CREB5: variants seen among roughly 807,000 people sequenced by gnomAD.
CREB5 encodes cyclic AMP-responsive element-binding protein 5.
In CREB5, 19 loss-of-function variants were observed where a neutral mutation model predicts 57.1. That is an observed-to-expected ratio of 0.33 (90% CI 0.23 to 0.49). CREB5 has a LOEUF of 0.49. Ranked by LOEUF, CREB5 falls within the 20% of genes least tolerant of loss-of-function variation. The pLI is 0.99. For missense variants in CREB5, 579 were observed against 671.6 expected (o/e 0.86, Z 1.52); for synonymous variants, 238 against 238.3 (o/e 1.00, Z 0.01).
Position 28,360,186 on chromosome 7 carries a change from G to A in CREB5, c.-25+60745G>A, listed in dbSNP as rs555713247. Among the ~76,000 whole-genome samples, 3 of 152,272 alleles carry A rather than the reference G, an allele frequency of 2.0e-5. No individual in the cohort carries two copies. The East Asian group carries it at 5.8e-4, about 29-fold the overall frequency. ...GAGATTCCTCAAAAAGCTAAGAATA[G>A]AATTACCACATGGTCCACAATCTAC... On this transcript the variant is annotated intron_variant, in intron 1 of 9. Coordinates refer to the CREB5 transcript ENST00000396299.
intron 4 of CREB5, among the ~76,000 whole-genome samples, chr7:28,546,559 C>T (rs1794432096): frequency 1.3e-5 from 2 of 152,200 alleles, no homozygotes; most frequent in African/African-American, 4.8e-5. Flanking sequence ...GGACAGACTG[C>T]ATCACTGGCC....
intron 1 of CREB5, among the ~76,000 whole-genome samples, chr7:28,437,138 C>A (rs1788995800): frequency 6.6e-6 from 1 of 152,104 alleles, no homozygotes; most frequent in Non-Finnish European, 1.5e-5. Flanking sequence ...CTGTTAAGGG[C>A]CATGGCTAAG....
intron 7 of CREB5, among the ~76,000 whole-genome samples, chr7:28,740,859 C>G (rs1466366396): frequency 6.6e-6 from 1 of 151,972 alleles, no homozygotes; most frequent in Non-Finnish European, 1.5e-5. Context: ...TGATATGTGA[C>G]TTTAAAATTT....
At chr7:28,519,497 G>C (rs547299367) in intron 4 of CREB5, among the ~76,000 whole-genome samples, 2 of 151,420 alleles carry the variant, frequency 1.3e-5, no homozygotes, top group East Asian at 2.0e-4. Context: ...TTACCCATAA[G>C]CTGGAGGTGA....
rs117330770 is a variant in CREB5 at position 28,749,207 on chromosome 7, C to T, written c.702+24875C>T. ...TTTCCAAACAACATTCTGGGCGAGA[C>T]AAGTCAGCTCCTTCCCATTTACTTA... On this transcript the variant is annotated intron_variant, in intron 7 of 10. Coordinates refer to ENST00000357727, the MANE Select transcript of CREB5 (RefSeq NM_182898.4). 6.6e-5 allele frequency: 10 copies of T among 152,332 alleles called. No homozygotes were observed. The East Asian group carries it at 1.9e-3, about 29-fold the overall frequency. 9.4% of individuals were successfully genotyped at this position (152,332 alleles called of 1,614,324 possible). A position where few individuals can be genotyped will look rare whatever the true frequency, so the allele number is the denominator to read the frequency against.
intron 4 of CREB5, among the ~76,000 whole-genome samples, chr7:28,526,714 G>C (rs910684034): frequency 6.6e-6 from 1 of 152,204 alleles, no homozygotes; most frequent in African/African-American, 2.4e-5. Flanking sequence ...GACTGGCCAC[G>C]CTGAGAAGCC....
At chr7:28,366,295 G>C (rs373298109) in intron 1 of CREB5, among the ~76,000 whole-genome samples, 4 of 152,054 alleles carry the variant, frequency 2.6e-5, no homozygotes, top group African/African-American at 7.2e-5. Context: ...TTATACACTT[G>C]ATCAAAATAA....
chr7:28,710,443 C>T (rs1278944730), intron 5 of CREB5, among the ~76,000 whole-genome samples: 1 of 152,142 alleles, frequency 6.6e-6, no homozygotes, highest in Non-Finnish European at 1.5e-5. Context: ...ATATCAGACT[C>T]ATGAAGTTTA....
intron 5 of CREB5, among the ~76,000 whole-genome samples, chr7:28,714,314 TC>T (rs1358233286): frequency 6.6e-6 from 1 of 152,168 alleles, no homozygotes; most frequent in Non-Finnish European, 1.5e-5. Context: ...ATCAATATCT[TC>T]CCATCTTCTA....
At chr7:28,382,515 T>C (rs887623) in intron 1 of CREB5, among the ~76,000 whole-genome samples, 27,555 of 152,046 alleles carry the variant, frequency 0.18, 2,728 homozygotes, top group South Asian at 0.24. Flanking sequence ...CCATCCTGCA[T>C]TTTTTTCCGT....
chr7:28,324,067 A>T lies in CREB5; in HGVS notation c.-25+24626A>T, dbSNP rs1011621835. 3.3e-5 allele frequency among the ~76,000 whole-genome samples: 5 copies of T among 152,218 alleles called. No homozygotes were observed. In the East Asian group the frequency reaches 9.7e-4, roughly 30 times the overall value. ...TGATGGAGAGCGGCTGTAAACACAG[A>T]GAAGCTTTGGTCACTCGCCCACCGC... On this transcript the variant is annotated intron_variant, in intron 1 of 9. Coordinates refer to the CREB5 transcript ENST00000396299.
chr7:28,462,886 A>T (rs1045090960), intron 1 of CREB5, among the ~76,000 whole-genome samples: 1 of 152,016 alleles, frequency 6.6e-6, no homozygotes, highest in Non-Finnish European at 1.5e-5. Flanking sequence ...CACTTTCTTC[A>T]TGGTGTCCTT....
At chr7:28,438,116 CA>C (rs1484163444) in intron 1 of CREB5, among the ~76,000 whole-genome samples, 1 of 152,092 alleles carries the variant, frequency 6.6e-6, no homozygotes, top group Non-Finnish European at 1.5e-5. Flanking sequence ...GAATCCTGCC[CA>C]AAGACCTTAC....
At chr7:28,595,888 A>G (rs1322634936) in intron 5 of CREB5, among the ~76,000 whole-genome samples, 2 of 152,224 alleles carry the variant, frequency 1.3e-5, no homozygotes, top group African/African-American at 4.8e-5. Context: ...GTTCTCTGGT[A>G]TCTTAACCTC....
intron 5 of CREB5, among the ~76,000 whole-genome samples, chr7:28,694,826 C>T (rs1173349640): frequency 6.6e-6 from 1 of 152,168 alleles, no homozygotes; most frequent in African/African-American, 2.4e-5. Flanking sequence ...GGGTTATAGG[C>T]GTGAGCTACT....
At chr7:28,322,603 C>G (rs112275071) in intron 1 of CREB5, among the ~76,000 whole-genome samples, 1 of 151,534 alleles carries the variant, frequency 6.6e-6, no homozygotes, top group South Asian at 2.1e-4. Context: ...CCCAGCCCCC[C>G]ACTCCCCGAC....
At chr7:28,818,262 A>G in intron 10 of CREB5, 83 bp downstream of exon 10, 1 of 928,026 alleles carries the variant, frequency 1.1e-6, no homozygotes, top group Non-Finnish European at 1.7e-6. Context: ...TGAAAGAGCA[A>G]AAGTAAAGTG....
chr7:28,589,436 C>T (rs925274307), intron 5 of CREB5, among the ~76,000 whole-genome samples: 1 of 152,100 alleles, frequency 6.6e-6, no homozygotes, highest in African/African-American at 2.4e-5. Flanking sequence ...TGCCTGTAGT[C>T]CCAGCTACTC....
At chr7:28,456,245 T>TC (rs10660620) in intron 1 of CREB5, among the ~76,000 whole-genome samples, 114,772 of 152,068 alleles carry the variant, frequency 0.75, 43,948 homozygotes, top group East Asian at 0.99. Flanking sequence ...GATTGATTTT[T>TC]CCCCCAAAGA....
Sources: gnomAD v4.1 joint callset for allele counts (sites outside exome capture counted in the v4.1 genomes callset) on GRCh38, gnomAD v4.1.1 for gene constraint, MANE v1.5 for transcripts, NCBI Gene and HGNC (gene_info 2026-07-23, HGNC 2026-07-21) for gene names.